CMTM8: variants seen among roughly 807,000 people sequenced by gnomAD.
CMTM8 encodes the protein CKLF like MARVEL transmembrane domain containing 8.
A neutral mutation model predicts 18.6 loss-of-function variants in CMTM8; 12 were observed. That is an observed-to-expected ratio of 0.65 (90% CI 0.41 to 1.05). CMTM8 has a LOEUF of 1.05. Among genes scored for constraint, CMTM8 ranks in the 50% least tolerant of loss-of-function variants. The probability of loss-of-function intolerance (pLI) is 0.00; values close to 1 mark genes in which losing one functional copy is unlikely to be tolerated. For synonymous variants in CMTM8, 87 were observed against 90.6 expected (o/e 0.96, Z 0.23); for missense variants, 217 against 227.2 (o/e 0.95, Z 0.29).
At chr3:32,359,475 A>G (rs971281087) in intron 2 of CMTM8, among the ~76,000 whole-genome samples, 4 of 152,326 alleles carry the variant, frequency 2.6e-5, no homozygotes, top group Admixed American at 1.3e-4. Flanking sequence ...CTGTAATCCC[A>G]GCTACTCGGG....
chr3:32,295,479 C>CAAAAAAAAAA (rs58774314), intron 1 of CMTM8, among the ~76,000 whole-genome samples: 3 of 82,466 alleles, frequency 3.6e-5, no homozygotes, highest in Non-Finnish European at 6.3e-5. Context: ...AAAAAAAAAA[C>CAAAAAAAAAA]AAAACAAAAC....
At chr3:32,328,396 G>C (rs1397249453) in intron 1 of CMTM8, among the ~76,000 whole-genome samples, 1 of 80,200 alleles carries the variant, frequency 1.2e-5, no homozygotes, top group Non-Finnish European at 2.8e-5. Context: ...AAAAAAAAAA[G>C]TAATCCCGGC....
chr3:32,357,212 C>G (rs978846805), intron 1 of CMTM8, among the ~76,000 whole-genome samples, 161 bp from the exon 2 acceptor site: 1 of 152,114 alleles, frequency 6.6e-6, no homozygotes, highest in South Asian at 2.1e-4. Context: ...CCATGGCACT[C>G]TAGCCTGGGC....
At chr3:32,292,908 C>G (rs1702804845) in intron 1 of CMTM8, among the ~76,000 whole-genome samples, 1 of 152,074 alleles carries the variant, frequency 6.6e-6, no homozygotes, top group Non-Finnish European at 1.5e-5. Context: ...GATTTTCACC[C>G]TTTTCCTTGA....
At chr3:32,347,818 C>G (rs73824692) in intron 1 of CMTM8, among the ~76,000 whole-genome samples, 5 of 152,076 alleles carry the variant, frequency 3.3e-5, no homozygotes, top group East Asian at 1.9e-4. Flanking sequence ...AGTTCCCTAA[C>G]AGCTTCAATC....
At chr3:32,361,286 G>GTTTTTTTTTTTTTT (rs58364646) in intron 2 of CMTM8, among the ~76,000 whole-genome samples, 7 of 87,262 alleles carry the variant, frequency 8.0e-5, no homozygotes, top group South Asian at 9.1e-4. Flanking sequence ...CAGCCTAAGA[G>GTTTTTTTTTTTTTT]TTTTTTTTTC....
chr3:32,318,432 T>C (rs1420903288), intron 1 of CMTM8, among the ~76,000 whole-genome samples: 1 of 152,206 alleles, frequency 6.6e-6, no homozygotes, highest in African/African-American at 2.4e-5. Flanking sequence ...TTAGCAGTGC[T>C]GAGACCCTGG....
Position 32,272,292 on chromosome 3 carries a change from G to GT in CMTM8, c.147+33177dup, listed in dbSNP as rs993670337. Among the ~76,000 whole-genome samples, 21 of 151,880 alleles carry GT rather than the reference G, an allele frequency of 1.4e-4. 1 individual carries two copies. Among genetic ancestry groups the GT allele is most frequent in the Non-Finnish European group, 1.5e-5 (1 of 67,980 alleles). ...CTTCATTATGATATGTCTAGCTAAG[G>GT]TTTTCTTTTTATTTATCCTTGGGTT... On this transcript the variant is annotated intron_variant, in intron 1 of 3. Coordinates refer to ENST00000307526, the MANE Select transcript of CMTM8 (RefSeq NM_178868.5).
chr3:32,357,568 G>A, intron 2 of CMTM8, 22 bp downstream of exon 2: 2 of 1,612,256 alleles, frequency 1.2e-6, no homozygotes, highest in Admixed American at 3.3e-5. Flanking sequence ...GTGGGTGGTG[G>A]TCTTGTCCAG....
chr3:32,242,176 A>G (rs1169689130), intron 1 of CMTM8, among the ~76,000 whole-genome samples: 1 of 152,384 alleles, frequency 6.6e-6, no homozygotes, highest in East Asian at 1.9e-4. Flanking sequence ...CTAAGAAAGC[A>G]TGCATGTGGA....
At chr3:32,251,213 A>C (rs573635193) in intron 1 of CMTM8, among the ~76,000 whole-genome samples, 1 of 152,326 alleles carries the variant, frequency 6.6e-6, no homozygotes, top group Admixed American at 6.5e-5. Flanking sequence ...TATTCAGGGG[A>C]GCCTGAACAT....
intron 1 of CMTM8, among the ~76,000 whole-genome samples, chr3:32,282,432 C>T (rs1267493673): frequency 1.3e-5 from 2 of 151,940 alleles, no homozygotes; most frequent in Non-Finnish European, 2.9e-5. Flanking sequence ...TGGATATTAT[C>T]ATTAATTATT....
At chr3:32,268,466 G>T (rs1438141031) in intron 1 of CMTM8, among the ~76,000 whole-genome samples, 1 of 152,070 alleles carries the variant, frequency 6.6e-6, no homozygotes, top group East Asian at 1.9e-4. Context: ...AGCAGGGAGG[G>T]ATAGCATTAG....
intron 1 of CMTM8, among the ~76,000 whole-genome samples, chr3:32,265,489 C>A (rs1702325030): frequency 6.6e-6 from 1 of 152,042 alleles, no homozygotes; most frequent in Non-Finnish European, 1.5e-5. Flanking sequence ...TAAATGCCCA[C>A]AAGAGAAAGC....
In CMTM8 at chr3:32,312,392, C is replaced by T. The variant is rs753978834; in HGVS notation, c.148-44981C>T. On this transcript the variant is annotated intron_variant, in intron 1 of 3. Transcript: ENST00000307526. ...GTTCCTGTGACCCCCACCTCAGGTACAATCACTTGCTAGAACAGCTCACAG... is the reference window on the plus strand; with the variant it reads ...GTTCCTGTGACCCCCACCTCAGGTATAATCACTTGCTAGAACAGCTCACAG... 5.2e-4 allele frequency among the ~76,000 whole-genome samples: 79 copies of T among 152,280 alleles called. 1 individual carries two copies. The highest frequency in any genetic ancestry group is 2.1e-3 in the South Asian group (10 of 4,822).
chr3:32,253,406 G>A (rs1049231341), intron 1 of CMTM8, among the ~76,000 whole-genome samples: 3 of 148,726 alleles, frequency 2.0e-5, no homozygotes, highest in South Asian at 2.1e-4. Context: ...TGCAGTTGGC[G>A]CAATCTTGGC....
intron 2 of CMTM8, among the ~76,000 whole-genome samples, chr3:32,361,293 T>TTTTGTTTTTTTGTTTTTTTTTG (rs1553608181): frequency 6.8e-6 from 1 of 146,468 alleles, no homozygotes. Context: ...AGAGTTTTTT[T>TTTTGTTTTTTTGTTTTTTTTTG]TTCTTTCAAA....
At chr3:32,253,462 A>T (rs562528327) in intron 1 of CMTM8, among the ~76,000 whole-genome samples, 122 of 150,688 alleles carry the variant, frequency 8.1e-4, no homozygotes, top group African/African-American at 2.9e-3. Context: ...CTCCTGCCTC[A>T]GCCTCCCTAG....
rs551048290 is a variant in CMTM8, at chr3:32,259,553, C to T, written c.147+20434C>T. On this transcript the variant is annotated intron_variant, in intron 1 of 3. Coordinates refer to ENST00000307526, the MANE Select transcript of CMTM8 (RefSeq NM_178868.5). ...GCAGCTGGAGACAGAGATCGAGGCT[C>T]TCAAGAAGGAACTGCTCTTCATGAA... 387 of 824,324 alleles carry T rather than the reference C, an allele frequency of 4.7e-4. 2 individuals carry two copies. Among genetic ancestry groups the T allele is most frequent in the South Asian group, 3.5e-3 (262 of 75,528 alleles). The allele number at this position is 824,324 out of a possible 1,614,324, so 51.1% of individuals were successfully genotyped here. A position where few individuals can be genotyped will look rare whatever the true frequency, so the allele number is the denominator to read the frequency against.
Sources: gnomAD v4.1 joint callset for allele counts (sites outside exome capture counted in the v4.1 genomes callset) on GRCh38, gnomAD v4.1.1 for gene constraint, MANE v1.5 for transcripts, NCBI Gene and HGNC (gene_info 2026-07-23, HGNC 2026-07-21) for gene names.